The following BDH1 variants were observed in gnomAD, a reference collection of about 807,000 sequenced individuals.
BDH1 encodes the protein D-beta-hydroxybutyrate dehydrogenase, mitochondrial.
BDH1 carries 30 observed loss-of-function variants against 33.1 expected under a neutral mutation model. The observed-to-expected ratio is 0.91, with a 90% CI of 0.68 to 1.23. The LOEUF (loss-of-function observed/expected upper bound fraction) is 1.23. Ranked by LOEUF, BDH1 falls within the 50% of genes most tolerant of loss-of-function variation. BDH1 has a pLI of 0.00. For missense variants in BDH1, 443 were observed against 464.4 expected (o/e 0.95, Z 0.42); for synonymous variants, 190 against 183.6 (o/e 1.03, Z -0.28).
At chr3:197,571,602 C>G (rs9879405) in intron 1 of BDH1, among the ~76,000 whole-genome samples, 7,271 of 152,318 alleles carry the variant, frequency 0.048, 210 homozygotes, top group African/African-American at 0.058. Flanking sequence ...TTCGTTCTCT[C>G]TCTTGCCTGC....
At chr3:197,550,510 T>G (rs148821333) in intron 2 of BDH1, among the ~76,000 whole-genome samples, 13 of 152,268 alleles carry the variant, frequency 8.5e-5, no homozygotes, top group Non-Finnish European at 1.5e-4. Flanking sequence ...GAGACTATGC[T>G]TTGGTCACGG....
chr3:197,532,518 CCAACCTG>C lies in BDH1; in HGVS notation c.157-3_160del. On this transcript the variant is annotated splice_acceptor_variant and splice_polypyrimidine_tract_variant and coding_sequence_variant and intron_variant, in exon 5 of 8. Coordinates refer to ENST00000392379, the MANE Select transcript of BDH1 (RefSeq NM_203314.3). LOFTEE classifies it high-confidence loss of function. ...GCCTGTGACCAGGACAGCTTTGCTG[CCAACCTG>C]TTTTACAAGGTCAGATTCCATGTTA... is the stretch of plus-strand genomic sequence containing the variant. 6.2e-7 allele frequency: 1 copy of C among 1,613,714 alleles called. No homozygotes were observed. Among genetic ancestry groups the C allele is most frequent in the Non-Finnish European group, 8.5e-7 (1 of 1,179,630 alleles).
intron 1 of BDH1, among the ~76,000 whole-genome samples, chr3:197,562,500 G>A (rs1717298955): frequency 6.6e-6 from 1 of 152,172 alleles, no homozygotes; most frequent in South Asian, 2.1e-4. Flanking sequence ...TTGACCCCCT[G>A]CAACATGCAG....
At chr3:197,553,613 T>TTAA (rs35181583) in intron 2 of BDH1, among the ~76,000 whole-genome samples, 19,968 of 150,112 alleles carry the variant, frequency 0.13, 1,471 homozygotes, top group African/African-American at 0.17. Flanking sequence ...TCTCACTGGG[T>TTAA]TAATAAGTTG....
intron 5 of BDH1, among the ~76,000 whole-genome samples, chr3:197,531,814 C>T (rs562004708): frequency 7.2e-4 from 110 of 152,250 alleles, no homozygotes; most frequent in African/African-American, 2.6e-3. Flanking sequence ...TTTGCAGTCT[C>T]GGGTCCCAGT....
intron 1 of BDH1, among the ~76,000 whole-genome samples, chr3:197,567,246 GA>G (rs1278199499): frequency 6.6e-6 from 1 of 152,100 alleles, no homozygotes; most frequent in African/African-American, 2.4e-5. Context: ...ATTTTAAAAA[GA>G]AAAGGAGGGA....
intron 6 of BDH1, among the ~76,000 whole-genome samples, chr3:197,515,160 T>A (rs138574832): frequency 2.0e-5 from 3 of 152,360 alleles, no homozygotes; most frequent in African/African-American, 7.2e-5. Context: ...ACAGAGTAAT[T>A]GGTCTCTAGC....
chr3:197,536,557 G>A (rs548088489), intron 3 of BDH1, among the ~76,000 whole-genome samples: 1 of 152,128 alleles, frequency 6.6e-6, no homozygotes, highest in African/African-American at 2.4e-5. Flanking sequence ...AACCATACAT[G>A]CGGCCGGGCA....
upstream of BDH1, among the ~76,000 whole-genome samples, chr3:197,556,616 C>A (rs1449362943): frequency 6.6e-6 from 1 of 152,196 alleles, no homozygotes; most frequent in Non-Finnish European, 1.5e-5. Context: ...TCCAGTGAGC[C>A]GAGATTGCAC....
rs778707639 is a variant in BDH1 at position 197,514,691 on chromosome 3, G to A, written c.410-275C>T. Among the ~76,000 whole-genome samples, 12 of 152,062 alleles carry A rather than the reference G, an allele frequency of 7.9e-5. No individual in the cohort carries two copies. Among genetic ancestry groups the A allele is most frequent in the African/African-American group, 1.9e-4 (8 of 41,402 alleles). On this transcript the variant is annotated intron_variant, in intron 6 of 7. Coordinates refer to ENST00000392379, the MANE Select transcript of BDH1 (RefSeq NM_203314.3). The surrounding 1 kb of genome is among the most constrained non-coding windows in gnomAD (Gnocchi z 4.2). Reference sequence around the variant, plus strand: ...TGGGCCCATCATGACCCAGCCTGCCGTGTCCCCCGGCCTTCAGTCTCACCT... The same window carrying A: ...TGGGCCCATCATGACCCAGCCTGCCATGTCCCCCGGCCTTCAGTCTCACCT...
chr3:197,557,103 TG>T (rs751167545), upstream of BDH1, among the ~76,000 whole-genome samples: 121 of 152,318 alleles, frequency 7.9e-4, no homozygotes, highest in Middle Eastern at 3.4e-3. The surrounding 1 kb of genome is among the most constrained non-coding windows in gnomAD (Gnocchi z 4.6). Context: ...ACCTATAACC[TG>T]GGGGCTCCCT....
intron 3 of BDH1, among the ~76,000 whole-genome samples, chr3:197,540,594 G>A (rs1158773108): frequency 2.0e-5 from 3 of 152,124 alleles, no homozygotes; most frequent in Non-Finnish European, 2.9e-5. Flanking sequence ...ATTTGAGCCC[G>A]GGAAGCAGAA....
intron 3 of BDH1, 41 bp from the exon 4 acceptor site, chr3:197,533,602 G>C (rs776350657): frequency 6.3e-7 from 1 of 1,597,524 alleles, no homozygotes; most frequent in Non-Finnish European, 8.6e-7. Flanking sequence ...GGACAGACTA[G>C]ACAGACCCTC....
rs139902080 is a variant in BDH1, at chr3:197,568,587, A to C, written c.-44+4594T>G. ...TTGACCTCAAGGGAAAAAGATGGAG[A>C]GTATCAGGCATCCCCACCCACTTTC... On this transcript the variant is annotated intron_variant, in intron 1 of 6. Transcript: ENST00000358186. Among the ~76,000 whole-genome samples the C allele has an allele frequency of 1.5e-4, 23 of 152,180 alleles. No individual in the cohort carries two copies. The East Asian group carries it at 4.2e-3, about 28-fold the overall frequency.
At chr3:197,569,365 C>G (rs570636605) in intron 1 of BDH1, among the ~76,000 whole-genome samples, 22 of 152,202 alleles carry the variant, frequency 1.4e-4, no homozygotes, top group African/African-American at 4.8e-4. Context: ...CTTTGTTACA[C>G]AGAAATTTCA....
At position 197,526,400 on chromosome 3, in the gene BDH1, G is replaced by A. The variant is rs534432759; in HGVS notation, c.268-3619C>T. Among the ~76,000 whole-genome samples, 10 of 152,234 alleles carry A rather than the reference G, an allele frequency of 6.6e-5. No homozygotes were observed. Among genetic ancestry groups the A allele is most frequent in the African/African-American group, 9.6e-5 (4 of 41,452 alleles). On this transcript the variant is annotated intron_variant, in intron 5 of 7. Transcript: ENST00000392379. The surrounding 1 kb of genome is among the most constrained non-coding windows in gnomAD (Gnocchi z 4.7). ...ATTAGGGGCAAGACTGTAGTCGTCTGAGGCTGGCTAATGTCTGCTGTTGCT... is the reference window on the plus strand; with the variant it reads ...ATTAGGGGCAAGACTGTAGTCGTCTAAGGCTGGCTAATGTCTGCTGTTGCT...
rs1711922528 is a variant in BDH1, at chr3:197,510,699, GTGTGTGTGTGTGTGTGTGTACA to G, written c.*1174_*1195del. 2 of 114,374 alleles carry G rather than the reference GTGTGTGTGTGTGTGTGTGTACA, an allele frequency of 1.7e-5. No individual in the cohort carries two copies. Among genetic ancestry groups the G allele is most frequent in the African/African-American group, 7.9e-5 (2 of 25,448 alleles). The allele number at this position is 114,374 out of a possible 1,614,324, so 7.1% of individuals were successfully genotyped here. The stretch of plus-strand genomic sequence containing the variant: ...ATGTGTGTAAGGTGTGTGTGTGTGT[GTGTGTGTGTGTGTGTGTGTACA>G]TGTGTGTAAGCACCACGTGAGGCAA... On this transcript the variant is annotated 3_prime_UTR_variant, in exon 8 of 8. Transcript: ENST00000392379.
rs141359555 is a variant in BDH1, at chr3:197,535,695, C to G, written c.84-2134G>C. On this transcript the variant is annotated intron_variant, in intron 3 of 7. Transcript: ENST00000392379. ...ATGCGGCATGCTTTTGATGTCAAGT[C>G]TCAGAGCTCTTTGCCCCCAGGACCC... Among the ~76,000 whole-genome samples the G allele has an allele frequency of 6.7e-4, 102 of 152,306 alleles. 1 individual carries two copies. The highest frequency in any genetic ancestry group is 2.3e-3 in the African/African-American group (95 of 41,566).
At position 197,511,899 on chromosome 3, in the gene BDH1, C is replaced by T. The variant is rs754774070; in HGVS notation, c.1028G>A (p.Arg343His). Residue 343 changes from arginine to histidine, a missense_variant, in exon 8 of 8, where the codon CGC (arginine) becomes CAC (histidine). Coordinates refer to ENST00000392379, the MANE Select transcript of BDH1 (RefSeq NM_203314.3). ...CAGAGGCCACAGCGAGACTCTTCAG[C>T]GGATGTAGATCATGTCGGAGATGGC... Reference protein sequence around the residue: ...PGAISDMIYIR With the variant: ...PGAISDMIYIH 32 of 1,554,840 alleles carry T rather than the reference C, an allele frequency of 2.1e-5. No homozygotes were observed. The highest frequency in any genetic ancestry group is 1.8e-4 in the East Asian group (8 of 44,376).
Sources: allele counts gnomAD v4.1 joint callset (sites outside exome capture counted in the v4.1 genomes callset), GRCh38; gene constraint gnomAD v4.1.1; non-coding constraint Gnocchi (gnomAD v3.1); transcripts MANE v1.5; gene names NCBI Gene and HGNC (gene_info 2026-07-23, HGNC 2026-07-21).